The following NEO1 variants were observed in gnomAD, a reference collection of about 807,000 sequenced individuals.
NEO1 encodes the protein neogenin 1.
Under a neutral mutation model 159.7 loss-of-function variants are expected in NEO1, and 63 were observed. That is an observed-to-expected ratio of 0.39 (90% CI 0.32 to 0.49). NEO1 has a LOEUF of 0.49. Ranked by LOEUF, NEO1 falls within the 20% of genes least tolerant of loss-of-function variation. NEO1 has a pLI of 0.85. For synonymous variants in NEO1, 633 were observed against 662.0 expected (o/e 0.96, Z 0.67); for missense variants, 1,615 against 1,831.0 (o/e 0.88, Z 2.15).
intron 4 of NEO1, among the ~76,000 whole-genome samples, chr15:73,134,858 G>A (rs528786993): frequency 8.5e-5 from 13 of 152,164 alleles, no homozygotes; most frequent in South Asian, 2.1e-4. Context: ...TAATCAGAAC[G>A]TTTTTTAATT....
At chr15:73,060,890 T>A (rs1215396996) in intron 1 of NEO1, among the ~76,000 whole-genome samples, 1 of 152,016 alleles carries the variant, frequency 6.6e-6, no homozygotes, top group East Asian at 1.9e-4. Context: ...ACTCAAGCAA[T>A]CTACCCGCCT....
At chr15:73,080,255 A>G (rs1422050656) in intron 1 of NEO1, among the ~76,000 whole-genome samples, 2 of 152,222 alleles carry the variant, frequency 1.3e-5, no homozygotes, top group Non-Finnish European at 2.9e-5. Flanking sequence ...GTTCTAAAGT[A>G]ACTGTGAACA....
At position 73,261,082 on chromosome 15, in the gene NEO1, T is replaced by C. The variant is rs186090292; in HGVS notation, c.2398+617T>C. ...ATGAAGAGAATGGCCAATGGGAATC[T>C]CTTTATAACTGGTTCCTGTGTCCAT... is the stretch of plus-strand genomic sequence containing the variant. On this transcript the variant is annotated intron_variant, in intron 15 of 28. Coordinates refer to ENST00000261908, the MANE Select transcript of NEO1 (RefSeq NM_002499.4). Among the ~76,000 whole-genome samples, 197 of 152,234 alleles carry C rather than the reference T, an allele frequency of 1.3e-3. 1 individual carries two copies. Among genetic ancestry groups the C allele is most frequent in the African/African-American group, 4.2e-3 (176 of 41,532 alleles).
chr15:73,298,817 G>A (rs552474933), intron 27 of NEO1, among the ~76,000 whole-genome samples: 8 of 152,336 alleles, frequency 5.3e-5, no homozygotes, highest in African/African-American at 1.2e-4. Context: ...CTTACAAACC[G>A]GAGAATAATT....
At chr15:73,066,288 G>A (rs182617346) in intron 1 of NEO1, among the ~76,000 whole-genome samples, 2 of 148,792 alleles carry the variant, frequency 1.3e-5, no homozygotes, top group Admixed American at 1.3e-4. Context: ...CAAAGTGCTG[G>A]GATTACAGGC....
intron 5 of NEO1, among the ~76,000 whole-genome samples, chr15:73,147,896 C>T (rs1027388855): frequency 1.3e-5 from 2 of 151,580 alleles, no homozygotes; most frequent in Non-Finnish European, 2.9e-5. Context: ...TCACTGCATC[C>T]TCCACCTCCT....
intron 8 of NEO1, 62 bp from the exon 9 acceptor site, chr15:73,244,282 A>AACT: frequency 6.6e-7 from 1 of 1,525,616 alleles, no homozygotes; most frequent in Non-Finnish European, 8.8e-7. Context: ...TGGAAAATGA[A>AACT]ACTGTACATT....
chr15:73,226,086 GAGAGGAGAA>G (rs1407949445), intron 7 of NEO1, among the ~76,000 whole-genome samples: 1 of 152,330 alleles, frequency 6.6e-6, no homozygotes, highest in African/African-American at 2.4e-5. Context: ...GTGTGTTCAG[GAGAGGAGAA>G]TCTCCCTTTC....
intron 5 of NEO1, among the ~76,000 whole-genome samples, chr15:73,165,207 A>G (rs1305751050): frequency 6.6e-6 from 1 of 151,792 alleles, no homozygotes; most frequent in African/African-American, 2.4e-5. Context: ...TTTTAAATAC[A>G]TAGAAAAATG....
intron 1 of NEO1, among the ~76,000 whole-genome samples, chr15:73,108,253 A>G (rs1214519405): frequency 6.6e-6 from 1 of 152,200 alleles, no homozygotes; most frequent in Non-Finnish European, 1.5e-5. Context: ...ACTGGTTAGA[A>G]CATTAATGGT....
intron 9 of NEO1, among the ~76,000 whole-genome samples, chr15:73,245,011 C>A (rs566521573): frequency 7.9e-6 from 1 of 126,640 alleles, no homozygotes; most frequent in African/African-American, 3.0e-5. Flanking sequence ...AGACAATATA[C>A]TTCTGTTGGT....
At chr15:73,071,643 T>C (rs552055193) in intron 1 of NEO1, among the ~76,000 whole-genome samples, 7 of 152,194 alleles carry the variant, frequency 4.6e-5, no homozygotes, top group Non-Finnish European at 8.8e-5. Context: ...TTGTCCCATC[T>C]CAGCCTCTCA....
chr15:73,227,221 C>T (rs901342288), intron 7 of NEO1, among the ~76,000 whole-genome samples: 1 of 152,122 alleles, frequency 6.6e-6, no homozygotes, highest in Non-Finnish European at 1.5e-5. Context: ...TCAGGCCGGG[C>T]GCAGTGGCTC....
chr15:73,208,294 C>A (rs2037349739), intron 7 of NEO1, among the ~76,000 whole-genome samples: 1 of 152,152 alleles, frequency 6.6e-6, no homozygotes. Context: ...ACATGTCAGA[C>A]ATGGAGTCCC....
intron 1 of NEO1, among the ~76,000 whole-genome samples, chr15:73,113,743 G>C (rs1296325241): frequency 6.6e-6 from 1 of 152,136 alleles, no homozygotes. Context: ...TTTAGAAGTT[G>C]TGCAGGGCCC....
chr15:73,130,243 G>T (rs1403082303), intron 4 of NEO1, among the ~76,000 whole-genome samples: 1 of 151,994 alleles, frequency 6.6e-6, no homozygotes, highest in Non-Finnish European at 1.5e-5. Context: ...CAAAATGCTG[G>T]GATTACAGAT....
At chr15:73,230,103 A>G (rs2038818987) in intron 7 of NEO1, among the ~76,000 whole-genome samples, 2 of 152,150 alleles carry the variant, frequency 1.3e-5, no homozygotes, top group Admixed American at 6.5e-5. Context: ...TTCCTGAAAA[A>G]GTTTGTGAAG....
intron 5 of NEO1, among the ~76,000 whole-genome samples, chr15:73,155,060 C>G (rs1246726124): frequency 6.6e-6 from 1 of 150,938 alleles, no homozygotes; most frequent in Non-Finnish European, 1.5e-5. Context: ...GAATGTCAAC[C>G]TTTCATTACC....
At chr15:73,223,062 C>G (rs1596388398) in intron 7 of NEO1, among the ~76,000 whole-genome samples, 3 of 152,182 alleles carry the variant, frequency 2.0e-5, no homozygotes, top group Admixed American at 1.3e-4. Context: ...CCTGCTCTTT[C>G]AGGAGCAGGT....
Sources: gnomAD v4.1 joint callset for allele counts (sites outside exome capture counted in the v4.1 genomes callset) on GRCh38, gnomAD v4.1.1 for gene constraint, MANE v1.5 for transcripts, NCBI Gene and HGNC (gene_info 2026-07-23, HGNC 2026-07-21) for gene names.